Variants in CCDC73 observed in about 807,000 individuals in gnomAD.
The protein encoded by CCDC73 is coiled-coil domain containing 73.
A neutral mutation model predicts 116.5 loss-of-function variants in CCDC73; 95 were observed. That is an observed-to-expected ratio of 0.82 (90% CI 0.69 to 0.97). CCDC73 has a LOEUF of 0.97. CCDC73 is among the 50% of genes least tolerant of loss of function. CCDC73 has a pLI of 0.00. For synonymous variants in CCDC73, 398 were observed against 401.3 expected, an observed-to-expected ratio of 0.99 and a Z score of 0.10; for missense variants, 1,066 against 1,206.8, an observed-to-expected ratio of 0.88 and a Z score of 1.73.
intron 1 of CCDC73, among the ~76,000 whole-genome samples, chr11:32,778,832 T>C (rs780070706): frequency 3.3e-5 from 5 of 152,096 alleles, no homozygotes; most frequent in Admixed American, 1.3e-4. Context: ...AAACGGATGC[T>C]AAATACCCAA....
At chr11:32,755,649 ATATAT>A (rs1850330746) in intron 2 of CCDC73, among the ~76,000 whole-genome samples, 1 of 96,872 alleles carries the variant, frequency 1.0e-5, no homozygotes. Flanking sequence ...ATGTGTATAT[ATATAT>A]CTCCATATAT....
At chr11:32,763,304 G>A (rs1235339122) in intron 1 of CCDC73, among the ~76,000 whole-genome samples, 2 of 152,220 alleles carry the variant, frequency 1.3e-5, no homozygotes, top group Non-Finnish European at 2.9e-5. Context: ...GCCTCCTCAA[G>A]TGAGTCCCTG....
intron 2 of CCDC73, among the ~76,000 whole-genome samples, chr11:32,744,507 G>T (rs1253333090): frequency 6.6e-6 from 1 of 152,128 alleles, no homozygotes; most frequent in Non-Finnish European, 1.5e-5. Context: ...TTGTACCTCT[G>T]GTAGAATTCG....
chr11:32,725,757 A>C (rs1850025236), intron 2 of CCDC73, among the ~76,000 whole-genome samples: 1 of 152,172 alleles, frequency 6.6e-6, no homozygotes, highest in Non-Finnish European at 1.5e-5. Flanking sequence ...AAAAAGACTG[A>C]TGATGTAGAA....
chr11:32,665,589 T>C (rs1026731211), intron 9 of CCDC73, among the ~76,000 whole-genome samples: 1 of 152,234 alleles, frequency 6.6e-6, no homozygotes, highest in East Asian at 1.9e-4. Flanking sequence ...TACTGCACAC[T>C]GATGGGTCTT....
chr11:32,815,243 G>C, the CCDC73 span, among the ~76,000 whole-genome samples: 1 of 152,164 alleles, frequency 6.6e-6, no homozygotes, highest in East Asian at 1.9e-4. Flanking sequence ...AAGCAAGTAC[G>C]TGCTGGGTGT....
At chr11:32,676,056 T>C (rs759163883) in intron 7 of CCDC73, 35 bp from the exon 8 acceptor site, 2 of 1,524,874 alleles carry the variant, frequency 1.3e-6, no homozygotes, top group Admixed American at 4.2e-5. Context: ...GTTATACATA[T>C]AACACACACA....
chr11:32,685,625 T>G (rs1265502080), intron 6 of CCDC73, among the ~76,000 whole-genome samples: 3 of 151,650 alleles, frequency 2.0e-5, no homozygotes, highest in African/African-American at 7.3e-5. Context: ...ATTGTAGACC[T>G]CGTTATGTGT....
chr11:32,747,974 C>T (rs756134525), intron 2 of CCDC73, among the ~76,000 whole-genome samples: 2 of 152,194 alleles, frequency 1.3e-5, no homozygotes, highest in African/African-American at 4.8e-5. Flanking sequence ...CCAGTCCCAA[C>T]GAGATAAACC....
chr11:32,798,456 C>T (rs569483371), upstream of CCDC73, among the ~76,000 whole-genome samples: 121 of 152,310 alleles, frequency 7.9e-4, no homozygotes, highest in South Asian at 2.3e-3. Context: ...CACAGGCGCA[C>T]GCCACCATGC....
At chr11:32,702,966 G>T in intron 3 of CCDC73, 22 bp from the exon 4 acceptor site, 1 of 1,520,562 alleles carries the variant, frequency 6.6e-7, no homozygotes, top group Non-Finnish European at 9.1e-7. Flanking sequence ...ATTATGACAA[G>T]TTAAAACACA....
At position 32,614,513 on chromosome 11, in the gene CCDC73, TTGAA is replaced by T. The variant is rs1403238645; in HGVS notation, c.1801_1804del (p.Phe601AsnfsTer14). ...AGTCCCTGGAAGCAATCTGAATTGT[TTGAA>T]TGGCTCATTTTCAGAAACATCTTTA... is the stretch of plus-strand genomic sequence containing the variant. On this transcript the variant is annotated frameshift_variant, in exon 16 of 18. Transcript: ENST00000335185. LOFTEE classifies it high-confidence loss of function. The T allele has an allele frequency of 6.2e-7, 1 of 1,613,322 alleles. No individual in the cohort carries two copies. The highest frequency in any genetic ancestry group is 8.5e-7 in the Non-Finnish European group (1 of 1,179,614).
intron 9 of CCDC73, 76 bp from the exon 10 acceptor site, chr11:32,655,048 A>G (rs2133263368): frequency 1.6e-6 from 1 of 615,602 alleles, no homozygotes; most frequent in South Asian, 3.1e-5. Context: ...TGACAGTTTC[A>G]AAGTTCATCC....
intron 14 of CCDC73, among the ~76,000 whole-genome samples, chr11:32,631,491 C>T (rs1456631934): frequency 1.3e-5 from 2 of 151,900 alleles, no homozygotes; most frequent in Non-Finnish European, 2.9e-5. Context: ...ATGGGTGATA[C>T]TCAATACCCA....
At chr11:32,691,604 G>A (rs909502251) in intron 6 of CCDC73, among the ~76,000 whole-genome samples, 1 of 152,010 alleles carries the variant, frequency 6.6e-6, no homozygotes, top group Non-Finnish European at 1.5e-5. Context: ...TTGGATAGCC[G>A]TCCTTTGTCA....
chr11:32,817,115 T>C, the CCDC73 span, among the ~76,000 whole-genome samples: 3 of 152,362 alleles, frequency 2.0e-5, no homozygotes, highest in East Asian at 1.9e-4. Context: ...GAGTTCTCTA[T>C]GGTGAATGTA....
At chr11:32,757,646 C>A (rs925177810) in intron 2 of CCDC73, among the ~76,000 whole-genome samples, 8 of 152,192 alleles carry the variant, frequency 5.3e-5, no homozygotes, top group African/African-American at 1.9e-4. Context: ...CTTCTTCCAG[C>A]TTCCACTTAC....
chr11:32,757,972 A>G (rs1433374811), intron 2 of CCDC73, among the ~76,000 whole-genome samples: 1 of 152,210 alleles, frequency 6.6e-6, no homozygotes, highest in African/African-American at 2.4e-5. Flanking sequence ...TCTGTCTACC[A>G]CAATGGGTAT....
intron 1 of CCDC73, among the ~76,000 whole-genome samples, chr11:32,781,793 T>C (rs780469037): frequency 7.2e-5 from 11 of 152,198 alleles, no homozygotes; most frequent in Admixed American, 2.0e-4. Context: ...AACAGCCAGA[T>C]AGCTCTTGAG....
Sources: allele counts gnomAD v4.1 joint callset (sites outside exome capture counted in the v4.1 genomes callset), GRCh38; gene constraint gnomAD v4.1.1; transcripts MANE v1.5; gene names NCBI Gene and HGNC (gene_info 2026-07-23, HGNC 2026-07-21).